Variants in RTN1 observed in about 807,000 individuals in gnomAD.
RTN1 encodes reticulon 1.
In RTN1, 25 loss-of-function variants were observed where a neutral mutation model predicts 65.5. That is an observed-to-expected ratio of 0.38 (90% confidence interval 0.28 to 0.53). The LOEUF (loss-of-function observed/expected upper bound fraction) is 0.53, where lower values mean the gene tolerates loss of function less well. Ranked by LOEUF, RTN1 falls within the 20% of genes least tolerant of loss-of-function variation. RTN1 has a pLI of 0.79. For synonymous variants in RTN1, 471 were observed against 447.6 expected, an observed-to-expected ratio of 1.05 and a Z score of -0.66; for missense variants, 983 against 1,025.4, an observed-to-expected ratio of 0.96 and a Z score of 0.57.
chr14:59,661,004 G>A (rs1426729999), intron 3 of RTN1, among the ~76,000 whole-genome samples: 1 of 150,978 alleles, frequency 6.6e-6, no homozygotes, highest in Non-Finnish European at 1.5e-5. Flanking sequence ...GACTAATAAA[G>A]AAGAAAAAAG....
chr14:59,625,905 G>T (rs575246834), intron 3 of RTN1, among the ~76,000 whole-genome samples: 3 of 152,158 alleles, frequency 2.0e-5, no homozygotes, highest in Non-Finnish European at 4.4e-5. Flanking sequence ...CATAATACGA[G>T]TTTTCTTTCA....
At chr14:59,860,241 C>T (rs899138965) in intron 1 of RTN1, among the ~76,000 whole-genome samples, 1 of 152,196 alleles carries the variant, frequency 6.6e-6, no homozygotes, top group Non-Finnish European at 1.5e-5. Flanking sequence ...TGCCCTGCTT[C>T]TCAGCCACTC....
intron 1 of RTN1, among the ~76,000 whole-genome samples, chr14:59,807,285 C>T (rs1886656163): frequency 6.6e-6 from 1 of 151,978 alleles, no homozygotes; most frequent in South Asian, 2.1e-4. Context: ...GACCCAGGGT[C>T]GAATTAGATG....
intron 1 of RTN1, among the ~76,000 whole-genome samples, chr14:59,757,242 C>T (rs764255114): frequency 6.6e-6 from 1 of 152,062 alleles, no homozygotes; most frequent in Non-Finnish European, 1.5e-5. Context: ...GGCTGTGCCC[C>T]CACCCAAATC....
At chr14:59,716,740 G>A (rs1311841849) in intron 3 of RTN1, among the ~76,000 whole-genome samples, 1 of 151,532 alleles carries the variant, frequency 6.6e-6, no homozygotes, top group Admixed American at 6.6e-5. Flanking sequence ...GGTGGATCAC[G>A]AGGTCAGGAG....
chr14:59,855,678 T>C (rs1213207379), intron 1 of RTN1, among the ~76,000 whole-genome samples: 2 of 152,216 alleles, frequency 1.3e-5, no homozygotes, highest in African/African-American at 2.4e-5. Flanking sequence ...CTTGAGACTA[T>C]ATATATTGCT....
At chr14:59,859,925 G>A (rs999742810) in intron 1 of RTN1, among the ~76,000 whole-genome samples, 6 of 152,244 alleles carry the variant, frequency 3.9e-5, no homozygotes, top group African/African-American at 1.4e-4. Context: ...CATTCAAGAT[G>A]TGACTAGGGT....
At chr14:59,815,500 C>G (rs1886803962) in intron 1 of RTN1, among the ~76,000 whole-genome samples, 2 of 152,222 alleles carry the variant, frequency 1.3e-5, no homozygotes, top group South Asian at 4.1e-4. Context: ...AGTGCTTTCT[C>G]TTCACAAGAT....
At chr14:59,619,297 A>G (rs1237972344) in intron 3 of RTN1, among the ~76,000 whole-genome samples, 1 of 152,174 alleles carries the variant, frequency 6.6e-6, no homozygotes, top group African/African-American at 2.4e-5. Flanking sequence ...CTTGTCTTTA[A>G]ATCTCCAGAT....
chr14:59,805,989 C>T (rs1886629189), intron 1 of RTN1, among the ~76,000 whole-genome samples: 1 of 151,996 alleles, frequency 6.6e-6, no homozygotes, highest in Admixed American at 6.5e-5. Flanking sequence ...TGTAATCCCC[C>T]CACTTTGGGA....
At chr14:59,858,817 A>T (rs572849730) in intron 1 of RTN1, among the ~76,000 whole-genome samples, 2 of 152,358 alleles carry the variant, frequency 1.3e-5, no homozygotes, top group African/African-American at 4.8e-5. Context: ...TTATTTAATG[A>T]ATTTCCAAAA....
chr14:59,675,614 AATT>A (rs1403822722), intron 3 of RTN1, among the ~76,000 whole-genome samples: 2 of 150,328 alleles, frequency 1.3e-5, no homozygotes, highest in East Asian at 1.9e-4. Flanking sequence ...TTTAATAATA[AATT>A]ATTATTAAAT....
In RTN1 at chr14:59,759,049, G is replaced by A. The variant is rs574250117; in HGVS notation, c.242-12568C>T. 3.1e-4 allele frequency among the ~76,000 whole-genome samples: 47 copies of A among 152,226 alleles called. 2 individuals are homozygous for A. The South Asian group carries it at 9.5e-3, about 31-fold the overall frequency. On this transcript the variant is annotated intron_variant, in intron 1 of 8. Transcript: ENST00000267484. ...GGGTGGGTTGCAGTATCTGCTGATG[G>A]ATAATAATGGGAGCAGACAGGTCCC...
intron 3 of RTN1, among the ~76,000 whole-genome samples, chr14:59,652,713 T>C (rs773057956): frequency 2.0e-5 from 3 of 152,052 alleles, no homozygotes; most frequent in African/African-American, 4.8e-5. Context: ...AAAAAATAAC[T>C]ATTGGGTACT....
chr14:59,864,516 T>C (rs1887764224), intron 1 of RTN1, among the ~76,000 whole-genome samples: 1 of 151,918 alleles, frequency 6.6e-6, no homozygotes, highest in Non-Finnish European at 1.5e-5. Flanking sequence ...CTGGTCTCTG[T>C]TGCCCTTCCT....
chr14:59,831,462 C>G (rs1415755434), intron 1 of RTN1, among the ~76,000 whole-genome samples: 7 of 152,150 alleles, frequency 4.6e-5, no homozygotes, highest in Non-Finnish European at 7.3e-5. Flanking sequence ...GGGGCTCAAG[C>G]TGGCCAACCT....
rs188230019 is a variant in RTN1, at chr14:59,837,057, A to G, written c.241+33333T>C. ...GCCATATATATATAAAAGGAGAAAT[A>G]GGACTACCTCATAATATAACATATC... On this transcript the variant is annotated intron_variant, in intron 1 of 8. Transcript: ENST00000267484. Among the ~76,000 whole-genome samples the G allele has an allele frequency of 9.9e-4, 145 of 146,424 alleles. 1 individual carries two copies. Among genetic ancestry groups the G allele is most frequent in the African/African-American group, 3.6e-3 (143 of 39,750 alleles).
intron 3 of RTN1, among the ~76,000 whole-genome samples, chr14:59,683,513 A>G (rs927297584): frequency 1.3e-5 from 2 of 151,984 alleles, no homozygotes; most frequent in African/African-American, 4.8e-5. Context: ...TTTGTAATAT[A>G]CTTGCCTAAG....
intron 1 of RTN1, among the ~76,000 whole-genome samples, chr14:59,840,871 A>G (rs1389314464): frequency 6.6e-6 from 1 of 152,212 alleles, no homozygotes; most frequent in Admixed American, 6.5e-5. Context: ...TCCTTAGCAC[A>G]AATACTTTTT....
Sources: allele counts gnomAD v4.1 joint callset (sites outside exome capture counted in the v4.1 genomes callset), GRCh38; gene constraint gnomAD v4.1.1; transcripts MANE v1.5; gene names NCBI Gene and HGNC (gene_info 2026-07-23, HGNC 2026-07-21).